LGR6: variants seen among roughly 807,000 people sequenced by gnomAD.
LGR6 encodes the protein leucine rich repeat containing G protein-coupled receptor 6.
In LGR6, 45 loss-of-function variants were observed where a neutral mutation model predicts 69.4. The ratio of observed to expected loss-of-function variants is 0.65; its 90% CI spans 0.51 to 0.83. The LOEUF (loss-of-function observed/expected upper bound fraction) is 0.83, where lower values mean the gene tolerates loss of function less well. LGR6 is among the 40% of genes least tolerant of loss of function. LGR6 has a pLI of 0.00. For synonymous variants in LGR6, 538 were observed against 555.0 expected (o/e 0.97, Z 0.43); for missense variants, 1,108 against 1,246.7 (o/e 0.89, Z 1.68).
chr1:202,259,657 TCTC>T (rs1217537343), intron 4 of LGR6, among the ~76,000 whole-genome samples: 1 of 152,146 alleles, frequency 6.6e-6, no homozygotes, highest in African/African-American at 2.4e-5. Context: ...TTTCCATTGT[TCTC>T]CTTCTTGCCT....
chr1:202,297,643 A>AGGCAGCTCAG, intron 7 of LGR6, 67 bp downstream of exon 7: 1 of 1,317,978 alleles, frequency 7.6e-7, no homozygotes, highest in South Asian at 1.2e-5. Context: ...AGCCAGCCTG[A>AGGCAGCTCAG]GCTGCCTCAT....
intron 1 of LGR6, among the ~76,000 whole-genome samples, chr1:202,206,907 T>C (rs1659261842): frequency 1.1e-5 from 1 of 93,710 alleles, no homozygotes. Flanking sequence ...ATTTATTTAT[T>C]TATTTATTTA....
rs1033815448 is a variant in LGR6 at position 202,268,980 on chromosome 1, A to C, written c.429-7326A>C. Among the ~76,000 whole-genome samples, 2 of 152,134 alleles carry C rather than the reference A, an allele frequency of 1.3e-5. No individual in the cohort carries two copies. The highest frequency in any genetic ancestry group is 2.9e-5 in the Non-Finnish European group (2 of 68,012). On this transcript the variant is annotated intron_variant, in intron 4 of 17. Transcript: ENST00000367278. The surrounding 1 kb of genome is among the most constrained non-coding windows in gnomAD (Gnocchi z 4.4). ...GAGTGAAGTGGTGTGAACACAGCTC[A>C]CTGCAGCCTCGACTTCTGGGATCAA...
intron 1 of LGR6, among the ~76,000 whole-genome samples, chr1:202,212,612 CCTT>C (rs1050354766): frequency 6.6e-6 from 1 of 152,226 alleles, no homozygotes; most frequent in African/African-American, 2.4e-5. Flanking sequence ...CTTCACCTCA[CCTT>C]CTTCTCTGTG....
chr1:202,231,921 C>T (rs1661111186), intron 3 of LGR6, among the ~76,000 whole-genome samples: 1 of 152,114 alleles, frequency 6.6e-6, no homozygotes, highest in South Asian at 2.1e-4. Flanking sequence ...GGTGAAAGCC[C>T]ATCTCCACTA....
intron 1 of LGR6, chr1:202,203,626 C>A: frequency 1.7e-6 from 1 of 600,988 alleles, no homozygotes; most frequent in South Asian, 2.1e-5. Flanking sequence ...TCCCCTGGAG[C>A]CTTGGAGAGA....
rs998047043 is a variant in LGR6 at position 202,272,850 on chromosome 1, G to A, written c.429-3456G>A. The stretch of plus-strand genomic sequence containing the variant: ...AGCTCACAGAATAAGTTTTCCCCTT[G>A]CCCTGCCCTGACCCACTTCCTGCCT... On this transcript the variant is annotated intron_variant, in intron 4 of 17. Coordinates refer to ENST00000367278, the MANE Select transcript of LGR6 (RefSeq NM_001017403.2). Among the ~76,000 whole-genome samples, 5 of 152,302 alleles carry A rather than the reference G, an allele frequency of 3.3e-5. No homozygotes were observed. In the South Asian group the frequency reaches 1.0e-3, roughly 32 times the overall value.
intron 1 of LGR6, among the ~76,000 whole-genome samples, chr1:202,204,380 A>G (rs1658965246): frequency 8.0e-6 from 1 of 124,780 alleles, no homozygotes; most frequent in African/African-American, 3.1e-5. Context: ...ACCTCCACAC[A>G]CACACCTCCA....
chr1:202,283,776 G>T (rs560292949), intron 6 of LGR6, among the ~76,000 whole-genome samples: 4 of 152,330 alleles, frequency 2.6e-5, no homozygotes, highest in Non-Finnish European at 5.9e-5. Flanking sequence ...CTCCACGTAG[G>T]CAGCCCCACC....
At position 202,268,638 on chromosome 1, in the gene LGR6, C is replaced by T. The variant is rs1384660427; in HGVS notation, c.429-7668C>T. 1.3e-5 allele frequency among the ~76,000 whole-genome samples: 2 copies of T among 152,148 alleles called. No individual in the cohort carries two copies. Among genetic ancestry groups the T allele is most frequent in the African/African-American group, 4.8e-5 (2 of 41,418 alleles). Reference sequence around the variant, plus strand: ...GGGGGTTCAGAGATGAAAACCAGCCCTGGGGTCGGCCAGGAGCAAACAATC... The same window carrying T: ...GGGGGTTCAGAGATGAAAACCAGCCTTGGGGTCGGCCAGGAGCAAACAATC... On this transcript the variant is annotated intron_variant, in intron 4 of 17. Coordinates refer to ENST00000367278, the MANE Select transcript of LGR6 (RefSeq NM_001017403.2). The surrounding 1 kb of genome is among the most constrained non-coding windows in gnomAD (Gnocchi z 4.4).
chr1:202,247,938 T>C (rs1193017184), intron 4 of LGR6, among the ~76,000 whole-genome samples: 1 of 152,076 alleles, frequency 6.6e-6, no homozygotes, highest in Non-Finnish European at 1.5e-5. Flanking sequence ...CCCCTCCTCC[T>C]CCCCAGCGCC....
At chr1:202,256,790 C>T (rs1437082044) in intron 4 of LGR6, among the ~76,000 whole-genome samples, 1 of 152,208 alleles carries the variant, frequency 6.6e-6, no homozygotes, top group African/African-American at 2.4e-5. Context: ...GAAACACTGT[C>T]AAACTCTTTT....
chr1:202,312,503 C>T (rs565393250), intron 16 of LGR6, among the ~76,000 whole-genome samples: 39 of 152,312 alleles, frequency 2.6e-4, no homozygotes, highest in African/African-American at 9.4e-4. Flanking sequence ...GGAAAGCTCC[C>T]AACTGATGGT....
chr1:202,295,758 G>C (rs1412198724), intron 6 of LGR6, among the ~76,000 whole-genome samples: 1 of 152,226 alleles, frequency 6.6e-6, no homozygotes, highest in Non-Finnish European at 1.5e-5. Context: ...ACGCATGAGA[G>C]GCAAAGGTAT....
intron 1 of LGR6, among the ~76,000 whole-genome samples, chr1:202,194,878 C>A (rs1485405127): frequency 2.0e-5 from 3 of 152,118 alleles, no homozygotes; most frequent in Non-Finnish European, 4.4e-5. Context: ...TGTGGGCAGG[C>A]GCCGAGGCTG....
Position 202,302,571 on chromosome 1 carries a change from G to A in LGR6, c.930-708G>A, listed in dbSNP as rs559825659. Among the ~76,000 whole-genome samples, 9 of 152,188 alleles carry A rather than the reference G, an allele frequency of 5.9e-5. No individual in the cohort carries two copies. In the East Asian group the frequency reaches 1.7e-3, roughly 29 times the overall value. ...TTTTTTCTTTTTTCTTTTTTAGACAGGATCTCACTCTGTTGCTCAGGCTGG... is the reference window on the plus strand; with the variant it reads ...TTTTTTCTTTTTTCTTTTTTAGACAAGATCTCACTCTGTTGCTCAGGCTGG... On this transcript the variant is annotated intron_variant, in intron 9 of 17. Coordinates refer to ENST00000367278, the MANE Select transcript of LGR6 (RefSeq NM_001017403.2).
chr1:202,304,106 C>T (rs997283888), intron 10 of LGR6, among the ~76,000 whole-genome samples: 18 of 152,294 alleles, frequency 1.2e-4, no homozygotes. Flanking sequence ...CTCCCTCCTC[C>T]GAGGCACAGG....
At chr1:202,200,798 G>T (rs138051519) in intron 1 of LGR6, among the ~76,000 whole-genome samples, 5 of 152,314 alleles carry the variant, frequency 3.3e-5, no homozygotes, top group African/African-American at 1.2e-4. Context: ...CCAAACTTGG[G>T]CAGTGAGCAG....
At chr1:202,239,189 A>C (rs1661924715) in intron 4 of LGR6, among the ~76,000 whole-genome samples, 1 of 152,034 alleles carries the variant, frequency 6.6e-6, no homozygotes, top group African/African-American at 2.4e-5. Context: ...TTGCTGGCGT[A>C]CGCAAGTAGC....
Sources: allele counts gnomAD v4.1 joint callset (sites outside exome capture counted in the v4.1 genomes callset), GRCh38; gene constraint gnomAD v4.1.1; non-coding constraint Gnocchi (gnomAD v3.1); transcripts MANE v1.5; gene names NCBI Gene and HGNC (gene_info 2026-07-23, HGNC 2026-07-21).